The following FAM135B variants were observed in gnomAD, a reference collection of about 807,000 sequenced individuals.
FAM135B encodes the protein protein FAM135B.
A neutral mutation model predicts 127.7 loss-of-function variants in FAM135B; 43 were observed. The ratio of observed to expected loss-of-function variants is 0.34; its 90% confidence interval spans 0.26 to 0.43. The LOEUF is 0.43. Among genes scored for constraint, FAM135B ranks in the 20% least tolerant of loss-of-function variants. The probability of loss-of-function intolerance (pLI) is 1.00; values close to 1 mark genes in which losing one functional copy is unlikely to be tolerated. For missense variants in FAM135B, 1,558 were observed against 1,725.6 expected (o/e 0.90, Z 1.72); for synonymous variants, 670 against 665.1 (o/e 1.01, Z -0.11).
At chr8:138,281,959 C>T (rs1824298744) in intron 3 of FAM135B, among the ~76,000 whole-genome samples, 1 of 152,158 alleles carries the variant, frequency 6.6e-6, no homozygotes, top group Non-Finnish European at 1.5e-5. Context: ...TACAGGCATG[C>T]ACCATTGTGC....
At chr8:138,423,401 G>C (rs915311464) in intron 1 of FAM135B, among the ~76,000 whole-genome samples, 1 of 152,164 alleles carries the variant, frequency 6.6e-6, no homozygotes, top group African/African-American at 2.4e-5. Flanking sequence ...GCATCAGCCA[G>C]GTTGAGAAAT....
intron 3 of FAM135B, among the ~76,000 whole-genome samples, chr8:138,288,394 CG>C (rs780614703): frequency 1.2e-4 from 18 of 151,984 alleles, no homozygotes; most frequent in Non-Finnish European, 2.4e-4. Flanking sequence ...TGGGGATATC[CG>C]GGGTGCTGTG....
At chr8:138,202,459 C>T (rs1453754577) in intron 7 of FAM135B, among the ~76,000 whole-genome samples, 1 of 152,096 alleles carries the variant, frequency 6.6e-6, no homozygotes, top group Non-Finnish European at 1.5e-5. Context: ...CGATGTTGCC[C>T]AGGCTGGTTT....
At chr8:138,212,982 T>C (rs1818258899) in intron 7 of FAM135B, among the ~76,000 whole-genome samples, 2 of 152,354 alleles carry the variant, frequency 1.3e-5, no homozygotes, top group South Asian at 4.1e-4. Flanking sequence ...ACACGTTTCT[T>C]AAAAATTACT....
chr8:138,407,258 G>A (rs1237319959), intron 1 of FAM135B, among the ~76,000 whole-genome samples: 5 of 151,038 alleles, frequency 3.3e-5, no homozygotes, highest in East Asian at 3.9e-4. Context: ...AAATAAAAGA[G>A]GACACAAACA....
At chr8:138,302,615 C>T (rs371389875) in intron 3 of FAM135B, among the ~76,000 whole-genome samples, 1 of 152,160 alleles carries the variant, frequency 6.6e-6, no homozygotes, top group Non-Finnish European at 1.5e-5. Context: ...TGATGACCTG[C>T]ACCAGAAATC....
At chr8:138,160,512 C>T (rs996173503) in intron 12 of FAM135B, among the ~76,000 whole-genome samples, 1 of 151,968 alleles carries the variant, frequency 6.6e-6, no homozygotes, top group Non-Finnish European at 1.5e-5. Context: ...TCTCAGCCTC[C>T]CAAGTAGCTG....
intron 6 of FAM135B, among the ~76,000 whole-genome samples, chr8:138,246,800 C>A (rs1821323770): frequency 6.6e-6 from 1 of 152,186 alleles, no homozygotes. Context: ...AAAAGCCACA[C>A]TCAACATCAG....
chr8:138,456,033 G>C (rs961575359), intron 1 of FAM135B, among the ~76,000 whole-genome samples: 1 of 152,152 alleles, frequency 6.6e-6, no homozygotes, highest in Admixed American at 6.5e-5. Flanking sequence ...AGAAGTGTAC[G>C]TGAGGACCAA....
At chr8:138,151,040 T>C (rs1024182690) in intron 13 of FAM135B, among the ~76,000 whole-genome samples, 154 bp downstream of exon 13, 3 of 152,188 alleles carry the variant, frequency 2.0e-5, no homozygotes, top group East Asian at 1.9e-4. Flanking sequence ...GAATTAAATA[T>C]ATATGATATA....
intron 2 of FAM135B, among the ~76,000 whole-genome samples, chr8:138,311,989 C>A (rs1009297789): frequency 6.6e-6 from 1 of 152,140 alleles, no homozygotes; most frequent in African/African-American, 2.4e-5. Context: ...CTGTGTCTCC[C>A]AGGCAGGCAT....
intron 1 of FAM135B, among the ~76,000 whole-genome samples, chr8:138,422,207 C>T (rs1834552443): frequency 1.3e-5 from 2 of 152,034 alleles, no homozygotes; most frequent in Non-Finnish European, 2.9e-5. Context: ...GGACATCCAC[C>T]TTCACAAAGA....
At chr8:138,474,270 C>A (rs751526852) in intron 1 of FAM135B, among the ~76,000 whole-genome samples, 3 of 152,102 alleles carry the variant, frequency 2.0e-5, no homozygotes, top group Non-Finnish European at 4.4e-5. Context: ...CAGACCCCCA[C>A]GAACATTCCA....
chr8:138,206,680 T>TAAC lies in FAM135B; in HGVS notation c.670-9014_670-9012dup, dbSNP rs1480942037. Among the ~76,000 whole-genome samples, 8 of 16,186 alleles carry TAAC rather than the reference T, an allele frequency of 4.9e-4. No homozygotes were observed. In the East Asian group the frequency reaches 0.013, roughly 25 times the overall value. 10.6% of individuals were successfully genotyped at this position (16,186 alleles called of 152,430 possible). ...CTCCAGCATCCCCTCCACCTACCCA[T>TAAC]AACTCTATCATCCCCTCCATCTACG... On this transcript the variant is annotated intron_variant, in intron 7 of 19. Transcript: ENST00000395297.
intron 7 of FAM135B, among the ~76,000 whole-genome samples, chr8:138,215,100 T>C (rs549592489): frequency 6.6e-6 from 1 of 152,196 alleles, no homozygotes; most frequent in Non-Finnish European, 1.5e-5. Flanking sequence ...TTAGATCCCA[T>C]GAAGATGGAC....
At chr8:138,434,742 A>G (rs1477796776) in intron 1 of FAM135B, among the ~76,000 whole-genome samples, 1 of 152,178 alleles carries the variant, frequency 6.6e-6, no homozygotes, top group East Asian at 1.9e-4. Context: ...ACCTCTGAAT[A>G]TGTTCACTGT....
chr8:138,404,275 T>TA (rs970898043), intron 1 of FAM135B, among the ~76,000 whole-genome samples: 1 of 152,134 alleles, frequency 6.6e-6, no homozygotes, highest in African/African-American at 2.4e-5. Context: ...TATGTTTAAT[T>TA]AAAAAAATGC....
intron 7 of FAM135B, among the ~76,000 whole-genome samples, chr8:138,217,428 A>C (rs1003311940): frequency 2.6e-5 from 3 of 114,874 alleles, no homozygotes; most frequent in African/African-American, 1.1e-4. Context: ...TCTCTGATAT[A>C]TTTCTTTTTT....
intron 4 of FAM135B, among the ~76,000 whole-genome samples, chr8:138,264,116 C>T (rs769602122): frequency 2.6e-5 from 4 of 152,134 alleles, no homozygotes; most frequent in Admixed American, 2.0e-4. Flanking sequence ...CCTGAAACAC[C>T]CCAATGTCAT....
Sources: allele counts gnomAD v4.1 joint callset (sites outside exome capture counted in the v4.1 genomes callset), GRCh38; gene constraint gnomAD v4.1.1; transcripts MANE v1.5; gene names NCBI Gene and HGNC (gene_info 2026-07-23, HGNC 2026-07-21).